The following TJP2 variants were observed in gnomAD, a reference collection of about 807,000 sequenced individuals.
TJP2 encodes the protein Friedreich ataxia region gene X104 (tight junction protein ZO-2).
In TJP2, 91 loss-of-function variants were observed where a neutral mutation model predicts 133.1. The observed-to-expected ratio is 0.68, with a 90% CI of 0.58 to 0.81. The LOEUF is 0.81. Among genes scored for constraint, TJP2 ranks in the 40% least tolerant of loss-of-function variants. TJP2 has a pLI of 0.00. For missense variants in TJP2, 1,541 were observed against 1,565.6 expected, an observed-to-expected ratio of 0.98 and a Z score of 0.26; for synonymous variants, 592 against 583.4, an observed-to-expected ratio of 1.01 and a Z score of -0.21.
chr9:69,206,237 G>C (rs948382717), intron 1 of TJP2, among the ~76,000 whole-genome samples: 12 of 152,126 alleles, frequency 7.9e-5, no homozygotes, highest in Non-Finnish European at 1.5e-5. Context: ...CTAATGGATA[G>C]AATGTTGACA....
At position 69,201,819 on chromosome 9, in the gene TJP2, G is replaced by A. The variant is rs116108494; in HGVS notation, c.61-10729G>A. On this transcript the variant is annotated intron_variant, in intron 1 of 22. Coordinates refer to ENST00000377245, the MANE Select transcript of TJP2 (RefSeq NM_004817.4). The stretch of plus-strand genomic sequence containing the variant: ...TGACATACGCCGCCACCACGTAGAC[G>A]AACCTTGAGGACATTATGCTATGTG... Among the ~76,000 whole-genome samples the A allele has an allele frequency of 9.5e-3, 1,447 of 152,246 alleles. 30 individuals are homozygous for A. The highest frequency in any genetic ancestry group is 0.032 in the African/African-American group (1,332 of 41,542).
At chr9:69,192,376 C>T (rs1826261406) in intron 1 of TJP2, among the ~76,000 whole-genome samples, 1 of 152,116 alleles carries the variant, frequency 6.6e-6, no homozygotes, top group Non-Finnish European at 1.5e-5. Context: ...GCTTAGAGAA[C>T]CTAGAGATCA....
chr9:69,209,536 C>T (rs1275936508), intron 1 of TJP2, among the ~76,000 whole-genome samples: 1 of 151,384 alleles, frequency 6.6e-6, no homozygotes, highest in Non-Finnish European at 1.5e-5. Context: ...GGCGGATCAT[C>T]TAAGGTTGGG....
In TJP2 at chr9:69,221,448, C is replaced by T. The variant is rs397516631; in HGVS notation, c.904C>T (p.Arg302Trp). Residue 302 changes from arginine (R) to tryptophan (W), a missense_variant, in exon 5 of 23, where the codon CGG (arginine) becomes TGG (tryptophan). Arg to Trp is a moderately radical substitution (Grantham distance 101). Transcript: ENST00000377245. Reference protein sequence around the residue: ...SRSPSPEPRGRPGPIGVLLMK... With the variant: ...SRSPSPEPRGWPGPIGVLLMK... Reference sequence around the variant, plus strand: ...GAGCCCCAGCCCCGAGCCTAGGGGGCGGCCGGGGCCCATCGGGGTCCTCCT... The same window carrying T: ...GAGCCCCAGCCCCGAGCCTAGGGGGTGGCCGGGGCCCATCGGGGTCCTCCT... 6.3e-6 allele frequency: 10 copies of T among 1,594,978 alleles called. No homozygotes were observed. The African/African-American group carries it at 9.4e-5, about 15-fold the overall frequency.
intron 4 of TJP2, among the ~76,000 whole-genome samples, chr9:69,218,952 TTGTG>T (rs373006256): frequency 2.7e-5 from 4 of 148,034 alleles, no homozygotes; most frequent in African/African-American, 1.0e-4. Flanking sequence ...ACATATATGG[TTGTG>T]TGTGTGTGTG....
intron 1 of TJP2, among the ~76,000 whole-genome samples, chr9:69,209,657 G>C (rs1827711990): frequency 6.6e-6 from 1 of 151,556 alleles, no homozygotes; most frequent in Admixed American, 6.6e-5. Flanking sequence ...GGGAGGCTGA[G>C]GCAGGAGAAT....
chr9:69,137,260 T>TCTTTCTTTCTTTCTTTTC (rs1554768427), intron 1 of TJP2, among the ~76,000 whole-genome samples: 1 of 57,134 alleles, frequency 1.8e-5, no homozygotes, highest in African/African-American at 1.1e-4. Context: ...TTTCTTTCTT[T>TCTTTCTTTCTTTCTTTTC]CTTTCTTTCT....
chr9:69,164,992 G>C (rs1015692835), intron 2 of TJP2, among the ~76,000 whole-genome samples: 2 of 152,132 alleles, frequency 1.3e-5, no homozygotes, highest in African/African-American at 2.4e-5. Context: ...ATTACGCCCG[G>C]CTAATTTTTA....
chr9:69,191,738 A>T (rs1003033753), intron 1 of TJP2, among the ~76,000 whole-genome samples: 3 of 151,040 alleles, frequency 2.0e-5, no homozygotes, highest in African/African-American at 2.4e-5. Context: ...GTTCATTTTT[A>T]AAATTTTTTT....
chr9:69,157,290 C>T (rs1229088864), intron 2 of TJP2, among the ~76,000 whole-genome samples: 1 of 152,160 alleles, frequency 6.6e-6, no homozygotes, highest in Non-Finnish European at 1.5e-5. Flanking sequence ...CTTCCATCGT[C>T]TTATTTCTCA....
intron 1 of TJP2, chr9:69,145,725 G>A: frequency 2.4e-6 from 3 of 1,231,806 alleles, no homozygotes; most frequent in Non-Finnish European, 3.0e-6. Context: ...GAAATATATC[G>A]GTATTCTGGA....
chr9:69,179,554 G>A (rs1289791775), intron 1 of TJP2, among the ~76,000 whole-genome samples: 1 of 149,022 alleles, frequency 6.7e-6, no homozygotes, highest in Non-Finnish European at 1.5e-5. Context: ...TGTCGCCCAG[G>A]CTGGAATGCA....
At chr9:69,199,313 A>C (rs1588035415) in intron 1 of TJP2, among the ~76,000 whole-genome samples, 2 of 152,282 alleles carry the variant, frequency 1.3e-5, no homozygotes, top group South Asian at 2.1e-4. Context: ...AGGCAGGAAG[A>C]GTCTCAGGAG....
chr9:69,214,043 A>G (rs1828153012), intron 2 of TJP2, among the ~76,000 whole-genome samples: 1 of 152,214 alleles, frequency 6.6e-6, no homozygotes, highest in African/African-American at 2.4e-5. Context: ...TTAAGAATAT[A>G]CAGTCAAATA....
At position 69,234,374 on chromosome 9, in the gene TJP2, CTT is replaced by C. The variant is rs1830009417; in HGVS notation, c.1672-63_1672-62del. The C allele has an allele frequency of 3.3e-5, 37 of 1,109,964 alleles. 1 individual carries two copies. In the South Asian group the frequency reaches 5.0e-4, roughly 15 times the overall value. The allele number at this position is 1,109,964 out of a possible 1,614,324, so 68.8% of individuals were successfully genotyped here. On this transcript the variant is annotated intron_variant, in intron 11 of 22. Coordinates refer to ENST00000377245, the MANE Select transcript of TJP2 (RefSeq NM_004817.4). ...CTTACTATAAACTTCTCTGTTTTTT[CTT>C]TCTTTCTTTCTTTCTTTCTTTCTTT... is the stretch of plus-strand genomic sequence containing the variant.
rs1464278630 is a variant in TJP2 at position 69,126,012 on chromosome 9, T to A, written c.-131+4287T>A. Among the ~76,000 whole-genome samples, 2 of 77,062 alleles carry A rather than the reference T, an allele frequency of 2.6e-5. 1 individual carries two copies. The highest frequency in any genetic ancestry group is 6.0e-5 in the Non-Finnish European group (2 of 33,510). 50.6% of individuals were successfully genotyped at this position (77,062 alleles called of 152,430 possible). On this transcript the variant is annotated intron_variant, in intron 1 of 5. Transcript: ENST00000423935. The stretch of plus-strand genomic sequence containing the variant: ...CAACCTTGAGCATGGTATTTCTTTT[T>A]TTCTCATTTTACGGAAGAGAAAATT...
At position 69,221,405 on chromosome 9, in the gene TJP2, C is replaced by T. The variant is rs1411943840; in HGVS notation, c.861C>T (p.Arg287=). The change falls in exon 5 of 23, where the codon CGC becomes CGT. Residue 287 remains arginine, a synonymous_variant. Coordinates refer to ENST00000377245, the MANE Select transcript of TJP2 (RefSeq NM_004817.4). Reference sequence around the variant, plus strand: ...CTCGGGGACCCCGAAGCCGCAGCCGCGAGCACCCGCACTCACGGAGCCCCA... The same window carrying T: ...CTCGGGGACCCCGAAGCCGCAGCCGTGAGCACCCGCACTCACGGAGCCCCA... ...ARSRGPRSRS[R]EHPHSRSPSP... is the part of the protein sequence containing the mutation. The T allele has an allele frequency of 2.5e-6, 4 of 1,581,322 alleles. No individual in the cohort carries two copies. The highest frequency in any genetic ancestry group is 1.1e-5 in the South Asian group (1 of 87,206).
intron 1 of TJP2, among the ~76,000 whole-genome samples, chr9:69,189,530 G>A (rs1457736309): frequency 6.6e-6 from 1 of 152,102 alleles, no homozygotes; most frequent in Non-Finnish European, 1.5e-5. Flanking sequence ...GCAGGCAGGA[G>A]GATCGCTTGA....
At chr9:69,122,922 GTTATTC>G in intron 1 of TJP2, among the ~76,000 whole-genome samples, 1 of 152,278 alleles carries the variant, frequency 6.6e-6, no homozygotes, top group East Asian at 1.9e-4. Context: ...TGAGGAACCT[GTTATTC>G]TAGTTGCTGA....
Sources: allele counts gnomAD v4.1 joint callset (sites outside exome capture counted in the v4.1 genomes callset), GRCh38; gene constraint gnomAD v4.1.1; transcripts MANE v1.5; gene names NCBI Gene and HGNC (gene_info 2026-07-23, HGNC 2026-07-21).